The following ESRRG variants were observed in gnomAD, a reference collection of about 807,000 sequenced individuals.
The protein encoded by ESRRG is estrogen-related receptor gamma.
Under a neutral mutation model 44.0 loss-of-function variants are expected in ESRRG, and 13 were observed. The ratio of observed to expected loss-of-function variants is 0.30; its 90% CI spans 0.19 to 0.47. ESRRG has a LOEUF of 0.47. ESRRG is among the 20% of genes least tolerant of loss of function. The pLI is 1.00. For missense variants in ESRRG, 395 were observed against 580.6 expected, an observed-to-expected ratio of 0.68 and a Z score of 3.29; for synonymous variants, 215 against 214.6, an observed-to-expected ratio of 1.00 and a Z score of -0.02.
chr1:216,615,671 G>A (rs2061326111), intron 3 of ESRRG, among the ~76,000 whole-genome samples: 1 of 151,180 alleles, frequency 6.6e-6, no homozygotes, highest in South Asian at 2.1e-4. Context: ...TCACTCTAGT[G>A]TTACCCATAT....
chr1:216,951,467 A>G (rs1490573577), intron 1 of ESRRG, among the ~76,000 whole-genome samples: 1 of 152,062 alleles, frequency 6.6e-6, no homozygotes, highest in African/African-American at 2.4e-5. Context: ...AAACTTTCAT[A>G]CTTTTTTTAG....
chr1:217,079,922 A>G (rs1476324233), intron 1 of ESRRG, among the ~76,000 whole-genome samples: 1 of 152,092 alleles, frequency 6.6e-6, no homozygotes, highest in African/African-American at 2.4e-5. Flanking sequence ...GCTCTGTTTC[A>G]TTTGATCCTT....
intron 1 of ESRRG, among the ~76,000 whole-genome samples, chr1:217,043,514 G>T (rs2084261910): frequency 6.6e-6 from 1 of 152,002 alleles, no homozygotes; most frequent in African/African-American, 2.4e-5. Flanking sequence ...GCCCTTTTTG[G>T]TCTTACAATA....
Position 216,888,007 on chromosome 1 carries a change from C to CT in ESRRG, c.-14+51574dup, listed in dbSNP as rs36002364. Reference sequence around the variant, plus strand: ...AGAAGACAACACAATTTGTAATTGACTTTTTTTTTTTTACCACCAAACAAC... The same window carrying CT: ...AGAAGACAACACAATTTGTAATTGACTTTTTTTTTTTTTACCACCAAACAAC... On this transcript the variant is annotated intron_variant, in intron 2 of 7. Coordinates refer to the ESRRG transcript ENST00000359162. Among the ~76,000 whole-genome samples, 505 of 149,554 alleles carry CT rather than the reference C, an allele frequency of 3.4e-3. 4 individuals carry two copies. Among genetic ancestry groups the CT allele is most frequent in the Middle Eastern group, 0.01 (3 of 286 alleles).
At chr1:216,878,953 A>C (rs1367833963) in intron 2 of ESRRG, among the ~76,000 whole-genome samples, 1 of 152,232 alleles carries the variant, frequency 6.6e-6, no homozygotes, top group Non-Finnish European at 1.5e-5. Flanking sequence ...AAAATAGGCC[A>C]AATAATACAT....
intron 1 of ESRRG, among the ~76,000 whole-genome samples, chr1:217,089,111 C>T (rs1275725478): frequency 6.6e-6 from 1 of 152,084 alleles, no homozygotes; most frequent in East Asian, 1.9e-4. Context: ...ACGACCCCTG[C>T]TCCATATCCC....
chr1:216,553,108 A>T (rs1000437708), intron 5 of ESRRG, among the ~76,000 whole-genome samples: 4 of 147,018 alleles, frequency 2.7e-5, no homozygotes, highest in African/African-American at 1.0e-4. Flanking sequence ...AGCTTGACTT[A>T]TTTTTTTTTT....
intron 2 of ESRRG, among the ~76,000 whole-genome samples, chr1:216,884,464 C>G (rs906622194): frequency 4.6e-5 from 7 of 152,110 alleles, no homozygotes; most frequent in Non-Finnish European, 1.0e-4. Context: ...TTGCCTTGGT[C>G]TATGTGTGCA....
intron 6 of ESRRG, among the ~76,000 whole-genome samples, chr1:216,515,621 C>T (rs1477888884): frequency 1.3e-5 from 2 of 152,054 alleles, no homozygotes; most frequent in African/African-American, 2.4e-5. Context: ...TCAATAGGTG[C>T]TATTATTCTG....
intron 3 of ESRRG, among the ~76,000 whole-genome samples, chr1:216,591,824 A>G (rs183488271): frequency 6.6e-5 from 10 of 152,334 alleles, no homozygotes; most frequent in Admixed American, 6.5e-4. Flanking sequence ...TAAAATGGGA[A>G]TCCATCGGTC....
rs142585927 is a variant in ESRRG at position 217,122,087 on chromosome 1, C to A, written c.-230+15580G>T. Reference sequence around the variant, plus strand: ...TGGAGATAAAGCAGATGGGCCAGATCAATCATTCCTCTTTTTGGACCACTT... The same window carrying A: ...TGGAGATAAAGCAGATGGGCCAGATAAATCATTCCTCTTTTTGGACCACTT... On this transcript the variant is annotated intron_variant, in intron 1 of 8. Coordinates refer to the ESRRG transcript ENST00000366940. Among the ~76,000 whole-genome samples, 74 of 152,306 alleles carry A rather than the reference C, an allele frequency of 4.9e-4. 1 individual carries two copies. The East Asian group carries it at 0.012, about 25-fold the overall frequency.
At position 216,880,304 on chromosome 1, in the gene ESRRG, C is replaced by CAAAAAAA. The variant is rs11301281; in HGVS notation, c.-14+59271_-14+59277dup. ...CCTGAGCGACAACAAGCCTCCCTCT[C>CAAAAAAA]AAAAAAAAAAAAAAAAAAAAAAAAA... On this transcript the variant is annotated intron_variant, in intron 2 of 7. Transcript: ENST00000359162. Among the ~76,000 whole-genome samples, 133 of 29,044 alleles carry CAAAAAAA rather than the reference C, an allele frequency of 4.6e-3. 23 individuals are homozygous for CAAAAAAA. The highest frequency in any genetic ancestry group is 0.023 in the East Asian group (18 of 770). 19.1% of individuals were successfully genotyped at this position (29,044 alleles called of 152,430 possible).
intron 5 of ESRRG, among the ~76,000 whole-genome samples, chr1:216,554,421 T>C (rs1434409840): frequency 1.3e-5 from 2 of 150,372 alleles, no homozygotes; most frequent in Non-Finnish European, 3.0e-5. Flanking sequence ...GCCACTGCAC[T>C]CCAGCCTGGG....
chr1:216,669,641 T>C (rs1426653787), intron 2 of ESRRG, among the ~76,000 whole-genome samples: 1 of 152,218 alleles, frequency 6.6e-6, no homozygotes, highest in Non-Finnish European at 1.5e-5. Flanking sequence ...ATCCCAGCAC[T>C]TGGGGAGGCC....
At chr1:217,047,377 G>A (rs2085081043) in intron 1 of ESRRG, among the ~76,000 whole-genome samples, 1 of 152,002 alleles carries the variant, frequency 6.6e-6, no homozygotes. Context: ...CTTGGTAAAT[G>A]GCACTGTCAT....
intron 2 of ESRRG, among the ~76,000 whole-genome samples, chr1:216,870,294 T>G (rs1460661209): frequency 6.6e-6 from 1 of 151,492 alleles, no homozygotes; most frequent in Non-Finnish European, 1.5e-5. Context: ...GATTGATATC[T>G]AATATCGAGA....
At chr1:216,673,934 G>A (rs2075643725) in intron 2 of ESRRG, among the ~76,000 whole-genome samples, 1 of 152,136 alleles carries the variant, frequency 6.6e-6, no homozygotes, top group African/African-American at 2.4e-5. Context: ...TGAATCACAG[G>A]TTCTCAGTAA....
At chr1:216,948,476 CAAA>C (rs5780948) in intron 1 of ESRRG, among the ~76,000 whole-genome samples, 66 of 103,352 alleles carry the variant, frequency 6.4e-4, no homozygotes, top group African/African-American at 1.4e-3. Flanking sequence ...GACTCCATCT[CAAA>C]AAAAAAAAAA....
intron 3 of ESRRG, among the ~76,000 whole-genome samples, chr1:216,573,057 T>C (rs546286261): frequency 6.6e-6 from 1 of 152,120 alleles, no homozygotes; most frequent in East Asian, 1.9e-4. Flanking sequence ...TTTATAGTAA[T>C]TTTATTATAT....
Sources: allele counts gnomAD v4.1 joint callset (sites outside exome capture counted in the v4.1 genomes callset), GRCh38; gene constraint gnomAD v4.1.1; transcripts MANE v1.5; gene names NCBI Gene and HGNC (gene_info 2026-07-23, HGNC 2026-07-21).